Variants in HKDC1 observed in about 807,000 individuals in gnomAD.
HKDC1 encodes hexokinase domain containing 1.
A neutral mutation model predicts 96.6 loss-of-function variants in HKDC1; 66 were observed. The observed-to-expected ratio is 0.68, with a 90% CI of 0.56 to 0.84. The LOEUF (loss-of-function observed/expected upper bound fraction) is 0.84, where lower values mean the gene tolerates loss of function less well. Among genes scored for constraint, HKDC1 ranks in the 40% least tolerant of loss-of-function variants. The probability of loss-of-function intolerance (pLI) is 0.00; values close to 1 mark genes in which losing one functional copy is unlikely to be tolerated. For synonymous variants in HKDC1, 466 were observed against 473.1 expected (o/e 0.98, Z 0.20); for missense variants, 1,211 against 1,208.1 (o/e 1.00, Z -0.04).
Position 69,232,960 on chromosome 10 carries a change from G to A in HKDC1, c.375+48G>A, listed in dbSNP as rs10998656. 0.037 allele frequency: 60,347 copies of A among 1,612,190 alleles called. 1,615 individuals carry two copies. Among genetic ancestry groups the A allele is most frequent in the East Asian group, 0.13 (5,651 of 44,870 alleles). On this transcript the variant is annotated intron_variant, in intron 3 of 17. Coordinates refer to ENST00000354624, the MANE Select transcript of HKDC1 (RefSeq NM_025130.4). ...GACCGCAGGGAAGGCGGTGGCATCCGTGTGTGGGGAAACCACACCTTAGCC... is the reference window on the plus strand; with the variant it reads ...GACCGCAGGGAAGGCGGTGGCATCCATGTGTGGGGAAACCACACCTTAGCC...
intron 2 of HKDC1, among the ~76,000 whole-genome samples, chr10:69,229,311 G>A (rs534097548): frequency 3.3e-4 from 50 of 152,292 alleles, no homozygotes; most frequent in African/African-American, 1.2e-3. Flanking sequence ...AGAGGCCCTG[G>A]GACACTGCAC....
rs1843444318 is a variant in HKDC1 at position 69,240,761 on chromosome 10, T to C, written c.691+10T>C. Reference sequence around the variant, plus strand: ...GTTGGTGTCATCATCGGTAACTCAATTGGACTGGTTTTTTGAGGGTAGGGG... The same window carrying C: ...GTTGGTGTCATCATCGGTAACTCAACTGGACTGGTTTTTTGAGGGTAGGGG... On this transcript the variant is annotated intron_variant, in intron 6 of 17. Coordinates refer to ENST00000354624, the MANE Select transcript of HKDC1 (RefSeq NM_025130.4). The C allele has an allele frequency of 6.2e-7, 1 of 1,607,578 alleles. No individual in the cohort carries two copies. Among genetic ancestry groups the C allele is most frequent in the East Asian group, 2.2e-5 (1 of 44,802 alleles).
intron 7 of HKDC1, 106 bp downstream of exon 7, chr10:69,243,471 C>A: frequency 3.3e-5 from 28 of 841,162 alleles, no homozygotes; most frequent in Non-Finnish European, 4.9e-5. Context: ...AGCTATCCAT[C>A]ACAACTTTCT....
At chr10:69,237,184 C>A (rs1166576619) in intron 4 of HKDC1, among the ~76,000 whole-genome samples, 1 of 151,646 alleles carries the variant, frequency 6.6e-6, no homozygotes, top group Non-Finnish European at 1.5e-5. Context: ...TAACCCATAG[C>A]CAACATCATG....
chr10:69,258,073 G>A (rs962109804), intron 14 of HKDC1, among the ~76,000 whole-genome samples: 2 of 152,188 alleles, frequency 1.3e-5, no homozygotes, highest in Non-Finnish European at 2.9e-5. Flanking sequence ...GGGCTTTCTG[G>A]ATATAAGCAG....
chr10:69,266,463 T>TAA (rs35672201), intron 17 of HKDC1, 147 bp from the exon 18 acceptor site: 33,829 of 542,430 alleles, frequency 0.062, 31 homozygotes, highest in East Asian at 0.074. Context: ...AGACCATGTC[T>TAA]AAAAAAAAAA....
rs55819248 is a variant in HKDC1 at position 69,238,368 on chromosome 10, C to CTT, written c.496-656_496-655dup. Among the ~76,000 whole-genome samples, 5 of 61,382 alleles carry CTT rather than the reference C, an allele frequency of 8.1e-5. 1 individual carries two copies. The highest frequency in any genetic ancestry group is 4.1e-4 in the African/African-American group (5 of 12,110). The allele number at this position is 61,382 out of a possible 152,430, so 40.3% of individuals were successfully genotyped here. ...GCATGTATAATACACCAGGTATTTT[C>CTT]TTTTTTTTTTTTTTTTTTTGAGACG... On this transcript the variant is annotated intron_variant, in intron 4 of 17. Coordinates refer to ENST00000354624, the MANE Select transcript of HKDC1 (RefSeq NM_025130.4).
intron 12 of HKDC1, among the ~76,000 whole-genome samples, chr10:69,253,217 C>T (rs574203228): frequency 6.6e-6 from 1 of 152,218 alleles, no homozygotes; most frequent in East Asian, 1.9e-4. Context: ...CCCAGAGCTC[C>T]AGTGGGTCAT....
rs574409569 is a variant in HKDC1, at chr10:69,264,960, G to C, written c.2373-625G>C. ...CTGCATGTGTTTACAGTCCTATCAG[G>C]TTCCCCTTCTCTAAGGTTCTGATTG... On this transcript the variant is annotated intron_variant, in intron 16 of 17. Transcript: ENST00000354624. Among the ~76,000 whole-genome samples the C allele has an allele frequency of 3.9e-5, 6 of 151,946 alleles. No homozygotes were observed. The East Asian group carries it at 1.2e-3, about 29-fold the overall frequency.
chr10:69,256,684 G>C (rs919807746), intron 12 of HKDC1, among the ~76,000 whole-genome samples: 5 of 151,936 alleles, frequency 3.3e-5, no homozygotes, highest in Admixed American at 2.0e-4. Flanking sequence ...CTCCAGCCTG[G>C]GAGACGAGTG....
rs1303896069 is a variant in HKDC1 at position 69,243,137 on chromosome 10, G to T, written c.692-45G>T. ...GTCAAGAGTTCTCTGTCTGTGCCCAGCTGGGAGTCCTCTCTCTGCATATTC... is the reference window on the plus strand; with the variant it reads ...GTCAAGAGTTCTCTGTCTGTGCCCATCTGGGAGTCCTCTCTCTGCATATTC... On this transcript the variant is annotated intron_variant, in intron 6 of 17. Transcript: ENST00000354624. 3 of 1,592,458 alleles carry T rather than the reference G, an allele frequency of 1.9e-6. No individual in the cohort carries two copies. In the South Asian group the frequency reaches 3.3e-5, roughly 18 times the overall value.
intron 15 of HKDC1, among the ~76,000 whole-genome samples, chr10:69,260,571 A>G (rs1843789532): frequency 6.6e-6 from 1 of 152,174 alleles, no homozygotes; most frequent in Non-Finnish European, 1.5e-5. Flanking sequence ...AGAGAACCCA[A>G]GCCCAGCACA....
chr10:69,240,905 C>T (rs748718950), intron 6 of HKDC1, among the ~76,000 whole-genome samples, 154 bp downstream of exon 6: 14 of 152,036 alleles, frequency 9.2e-5, no homozygotes, highest in African/African-American at 2.9e-4. Context: ...TTCATCCATT[C>T]GACAAGTGTT....
At position 69,252,501 on chromosome 10, in the gene HKDC1, C is replaced by G. The variant is rs188419764; in HGVS notation, c.1836+1849C>G. On this transcript the variant is annotated intron_variant, in intron 12 of 17. Coordinates refer to ENST00000354624, the MANE Select transcript of HKDC1 (RefSeq NM_025130.4). ...TCTACTAAAAATACAAAAAAATTAG[C>G]CCGGCGTGGTGGCAGGTGCCTGTAG... Among the ~76,000 whole-genome samples, 223 of 152,146 alleles carry G rather than the reference C, an allele frequency of 1.5e-3. 1 individual carries two copies. Among genetic ancestry groups the G allele is most frequent in the African/African-American group, 5.3e-3 (219 of 41,494 alleles).
rs371090137 is a variant in HKDC1 at position 69,248,543 on chromosome 10, G to A, written c.1385G>A (p.Arg462His). 6.2e-6 allele frequency: 10 copies of A among 1,613,938 alleles called. No individual in the cohort carries two copies. Among genetic ancestry groups the A allele is most frequent in the African/African-American group, 4.0e-5 (3 of 74,956 alleles). The change falls in exon 10 of 18, where the codon CGC becomes CAC. Residue 462 changes from arginine (R) to histidine (H), a missense_variant. By Grantham distance (29) the Arg-to-His change is conservative. Transcript: ENST00000354624. ...GCCATGGTGACCGCGGTGGCCTCCC[G>A]CGTGCAGGCCCAGCGGAAGCAGATC... ...GAAMVTAVAS[R>H]VQAQRKQIDR...
At chr10:69,253,857 C>T (rs1843680931) in intron 12 of HKDC1, among the ~76,000 whole-genome samples, 1 of 152,192 alleles carries the variant, frequency 6.6e-6, no homozygotes, top group African/African-American at 2.4e-5. Context: ...TGGAGAGGAG[C>T]TCTGTCTTTC....
intron 1 of HKDC1, among the ~76,000 whole-genome samples, chr10:69,225,449 C>G (rs984982015): frequency 1.3e-5 from 2 of 152,198 alleles, no homozygotes; most frequent in Admixed American, 1.3e-4. Flanking sequence ...TGAAGCCTGA[C>G]CTGGTTCCAT....
chr10:69,237,847 GT>G (rs763553325), intron 4 of HKDC1, among the ~76,000 whole-genome samples: 10 of 152,138 alleles, frequency 6.6e-5, no homozygotes, highest in Non-Finnish European at 1.5e-4. Flanking sequence ...TTCACTCGCG[GT>G]GAAATTCAGA....
At chr10:69,242,676 C>T (rs958702060) in intron 6 of HKDC1, among the ~76,000 whole-genome samples, 4 of 152,110 alleles carry the variant, frequency 2.6e-5, no homozygotes, top group African/African-American at 4.8e-5. Flanking sequence ...GTTTGCATAA[C>T]GGAATGTTGC....
Sources: allele counts gnomAD v4.1 joint callset (sites outside exome capture counted in the v4.1 genomes callset), GRCh38; gene constraint gnomAD v4.1.1; transcripts MANE v1.5; gene names NCBI Gene and HGNC (gene_info 2026-07-23, HGNC 2026-07-21).